Variants in QSOX1 observed in about 807,000 individuals in gnomAD.
QSOX1 encodes quiescin sulfhydryl oxidase 1, also known as sulfhydryl oxidase 1.
QSOX1 carries 40 observed loss-of-function variants against 76.1 expected under a neutral mutation model. The observed-to-expected ratio is 0.53, with a 90% confidence interval of 0.41 to 0.68. The LOEUF (loss-of-function observed/expected upper bound fraction) is 0.68, where lower values mean the gene tolerates loss of function less well. QSOX1 is among the 30% of genes least tolerant of loss of function. The probability of loss-of-function intolerance (pLI) is 0.00; values close to 1 mark genes in which losing one functional copy is unlikely to be tolerated. For missense variants in QSOX1, 931 were observed against 974.3 expected (o/e 0.96, Z 0.59); for synonymous variants, 392 against 413.1 (o/e 0.95, Z 0.62).
At chr1:180,157,435 C>G (rs147331007) in intron 1 of QSOX1, among the ~76,000 whole-genome samples, 2 of 152,214 alleles carry the variant, frequency 1.3e-5, no homozygotes, top group Non-Finnish European at 2.9e-5. Context: ...GTTGTGGGCC[C>G]GCAGAGGGCT....
intron 2 of QSOX1, among the ~76,000 whole-genome samples, chr1:180,167,069 C>T (rs926657255): frequency 6.6e-6 from 1 of 152,250 alleles, no homozygotes; most frequent in Non-Finnish European, 1.5e-5. Context: ...TTGTCACCCC[C>T]GCTCTGGTGG....
chr1:180,188,154 TCCAGC>T (rs995437046), intron 8 of QSOX1, among the ~76,000 whole-genome samples: 1 of 152,164 alleles, frequency 6.6e-6, no homozygotes, highest in Admixed American at 6.5e-5. Flanking sequence ...CCCACTCGCA[TCCAGC>T]CCATGCCCAT....
At chr1:180,167,211 G>A (rs535986440) in intron 2 of QSOX1, among the ~76,000 whole-genome samples, 124 of 152,360 alleles carry the variant, frequency 8.1e-4, no homozygotes, top group South Asian at 2.9e-3. Context: ...AGGGCAGCAA[G>A]GCTGCTGCAG....
Position 180,197,171 on chromosome 1 carries a change from C to T in QSOX1, c.*134C>T. On this transcript the variant is annotated 3_prime_UTR_variant, in exon 12 of 12. Transcript: ENST00000367602. ...GTGGGAAATTCAGGAAAACGAGTTG[C>T]TCCAGTGAAGCTTCTTGGGGTTGCT... The T allele has an allele frequency of 7.0e-7, 1 of 1,434,084 alleles. No individual in the cohort carries two copies. Among genetic ancestry groups the T allele is most frequent in the Non-Finnish European group, 9.2e-7 (1 of 1,085,036 alleles). The allele number at this position is 1,434,084 out of a possible 1,614,324, so 88.8% of individuals were successfully genotyped here.
chr1:180,158,498 G>T (rs910052634), intron 1 of QSOX1, among the ~76,000 whole-genome samples: 7 of 152,178 alleles, frequency 4.6e-5, no homozygotes, highest in African/African-American at 1.7e-4. Flanking sequence ...GGATCCTCTT[G>T]ACTCAGACCG....
chr1:180,167,603 G>A (rs1662663929), intron 2 of QSOX1, among the ~76,000 whole-genome samples: 3 of 152,072 alleles, frequency 2.0e-5, no homozygotes, highest in Non-Finnish European at 4.4e-5. Flanking sequence ...TCTGTTCCTC[G>A]AGCCCAGTGC....
chr1:180,163,321 C>T (rs1209751494), intron 1 of QSOX1, among the ~76,000 whole-genome samples: 1 of 152,196 alleles, frequency 6.6e-6, no homozygotes. Flanking sequence ...TACATCCTTA[C>T]ATTTTATGAC....
intron 1 of QSOX1, among the ~76,000 whole-genome samples, chr1:180,162,166 A>T (rs139376213): frequency 2.6e-5 from 4 of 152,382 alleles, no homozygotes; most frequent in African/African-American, 9.6e-5. Flanking sequence ...TTCTAGGAAT[A>T]TCATATAATT....
chr1:180,180,947 G>A (rs191464096), intron 5 of QSOX1, among the ~76,000 whole-genome samples: 3 of 152,200 alleles, frequency 2.0e-5, no homozygotes, highest in Non-Finnish European at 4.4e-5. Context: ...TATTATTGTT[G>A]TTATTATTAT....
chr1:180,184,445 T>A (rs1186451504), intron 7 of QSOX1, among the ~76,000 whole-genome samples: 2 of 152,150 alleles, frequency 1.3e-5, no homozygotes, highest in Non-Finnish European at 2.9e-5. Context: ...TGCTAGGCAC[T>A]GTGGCAGCAG....
Position 180,196,242 on chromosome 1 carries a change from G to C in QSOX1, c.1469-20G>C, listed in dbSNP as rs1206576375. The C allele has an allele frequency of 6.3e-7, 1 of 1,595,670 alleles. No individual in the cohort carries two copies. Among genetic ancestry groups the C allele is most frequent in the Non-Finnish European group, 8.6e-7 (1 of 1,167,590 alleles). On this transcript the variant is annotated intron_variant, in intron 11 of 11. Transcript: ENST00000367602. The surrounding 1 kb of genome is among the most constrained non-coding windows in gnomAD (Gnocchi z 4.1). Reference sequence around the variant, plus strand: ...GTGGGACTGATGTCACCACCAGCCTGTGTATGCTTCCCTCTGTAGGTGCCC... The same window carrying C: ...GTGGGACTGATGTCACCACCAGCCTCTGTATGCTTCCCTCTGTAGGTGCCC...
intron 10 of QSOX1, among the ~76,000 whole-genome samples, chr1:180,191,495 G>A (rs921920400): frequency 5.3e-5 from 8 of 152,368 alleles, no homozygotes; most frequent in South Asian, 2.1e-4. Flanking sequence ...AGGCAGTGGT[G>A]TGGGAAGCCA....
In QSOX1 at chr1:180,155,104, T is replaced by G; in HGVS notation, c.197T>G (p.Phe66Cys). 1 of 1,523,044 alleles carries G rather than the reference T, an allele frequency of 6.6e-7. No homozygotes were observed. The highest frequency in any genetic ancestry group is 8.8e-7 in the Non-Finnish European group (1 of 1,140,428). The allele number at this position is 1,523,044 out of a possible 1,614,324, so 94.3% of individuals were successfully genotyped here. ...GSRSAWAVEF[F>C]ASWCGHCIAF... ...CGCAGCGCCTGGGCCGTGGAGTTCT[T>G]CGCCTCCTGGTGCGGCCACTGCATC... The change falls in exon 1 of 12, where the codon TTC (phenylalanine) becomes TGC (cysteine). Residue 66 changes from phenylalanine (F) to cysteine (C), a missense_variant. Coordinates refer to ENST00000367602, the MANE Select transcript of QSOX1 (RefSeq NM_002826.5).
chr1:180,203,769 T>A lies in QSOX1; in HGVS notation c.*6732T>A, dbSNP rs1452933472. 1 of 152,132 alleles carries A rather than the reference T, an allele frequency of 6.6e-6. No individual in the cohort carries two copies. Among genetic ancestry groups the A allele is most frequent in the African/African-American group, 2.4e-5 (1 of 41,424 alleles). The allele number at this position is 152,132 out of a possible 1,614,324, so 9.4% of individuals were successfully genotyped here. A position where few individuals can be genotyped will look rare whatever the true frequency, so the allele number is the denominator to read the frequency against. The stretch of plus-strand genomic sequence containing the variant: ...CCTCTGAGCTTTAGTCAATTGTAGG[T>A]GGTCAATAGATTCAGATAAGGCAAT... On this transcript the variant is annotated 3_prime_UTR_variant, in exon 12 of 12. Transcript: ENST00000367602.
chr1:180,161,219 A>G (rs1369846160), intron 1 of QSOX1, among the ~76,000 whole-genome samples: 2 of 152,164 alleles, frequency 1.3e-5, no homozygotes, highest in African/African-American at 4.8e-5. Context: ...TGCAGAAAAT[A>G]TTTAGTCACA....
chr1:180,189,442 C>T (rs1009230493), intron 8 of QSOX1, 110 bp from the exon 9 acceptor site: 2 of 291,964 alleles, frequency 6.9e-6, no homozygotes, highest in South Asian at 1.2e-4. Flanking sequence ...CCCCACTGCC[C>T]CCCGCCCCCC....
chr1:180,180,772 C>A (rs1286090228), intron 5 of QSOX1, among the ~76,000 whole-genome samples: 1 of 152,188 alleles, frequency 6.6e-6, no homozygotes, highest in Non-Finnish European at 1.5e-5. Context: ...ACCTTGGCCT[C>A]CCAAAATGCT....
At chr1:180,157,667 G>A (rs1254783862) in intron 1 of QSOX1, among the ~76,000 whole-genome samples, 1 of 152,184 alleles carries the variant, frequency 6.6e-6, no homozygotes, top group Non-Finnish European at 1.5e-5. Flanking sequence ...CCGGGGCAGA[G>A]CATGTGTTTC....
At chr1:180,179,278 A>C (rs1278023218) in intron 5 of QSOX1, among the ~76,000 whole-genome samples, 1 of 152,216 alleles carries the variant, frequency 6.6e-6, no homozygotes, top group Non-Finnish European at 1.5e-5. Flanking sequence ...TTGTTTCCAC[A>C]GTGTCCCACT....
Sources: allele counts gnomAD v4.1 joint callset (sites outside exome capture counted in the v4.1 genomes callset), GRCh38; gene constraint gnomAD v4.1.1; non-coding constraint Gnocchi (gnomAD v3.1); transcripts MANE v1.5; gene names NCBI Gene and HGNC (gene_info 2026-07-23, HGNC 2026-07-21).